The following RAB3GAP1 variants were observed in gnomAD, a reference collection of about 807,000 sequenced individuals.
The protein encoded by RAB3GAP1 is RAB3 GTPase activating protein catalytic subunit 1.
RAB3GAP1 carries 86 observed loss-of-function variants against 130.7 expected under a neutral mutation model. That is an observed-to-expected ratio of 0.66 (90% CI 0.55 to 0.79). The LOEUF is 0.79. Among genes scored for constraint, RAB3GAP1 ranks in the 30% least tolerant of loss-of-function variants. The probability of loss-of-function intolerance (pLI) is 0.00; values close to 1 mark genes in which losing one functional copy is unlikely to be tolerated. For missense variants in RAB3GAP1, 1,029 were observed against 1,169.4 expected, an observed-to-expected ratio of 0.88 and a Z score of 1.75; for synonymous variants, 367 against 401.7, an observed-to-expected ratio of 0.91 and a Z score of 1.03.
chr2:135,121,000 A>G (rs1325565966), intron 8 of RAB3GAP1, 82 bp downstream of exon 8: 1 of 1,006,510 alleles, frequency 9.9e-7, no homozygotes, highest in South Asian at 1.3e-5. Flanking sequence ...TTACTTAACA[A>G]GAGTTTCAAG....
intron 7 of RAB3GAP1, among the ~76,000 whole-genome samples, chr2:135,117,744 TCTTCTGCTTCTG>T (rs1330109767): frequency 7.1e-6 from 1 of 141,302 alleles, no homozygotes. Flanking sequence ...TTCTGCTTCT[TCTTCTGCTTCTG>T]CTTCTTCTGC....
At position 135,093,640 on chromosome 2, in the gene RAB3GAP1, T is replaced by C; in HGVS notation, c.309T>C (p.Asp103=). The C allele has an allele frequency of 6.2e-7, 1 of 1,613,688 alleles. No homozygotes were observed. Among genetic ancestry groups the C allele is most frequent in the Non-Finnish European group, 8.5e-7 (1 of 1,179,604 alleles). The change falls in exon 5 of 24, where the codon GAT becomes GAC. Residue 103 remains aspartate (D), a synonymous_variant. Coordinates refer to ENST00000264158, the MANE Select transcript of RAB3GAP1 (RefSeq NM_012233.3). The part of the protein sequence containing the change: ...LEDVVPQSMQ[D]LLGMNNDFPP... ...ATGTTGTTCCACAATCTATGCAAGA[T>C]TTGCTGGGTATGAATAATGACTTTC...
intron 2 of RAB3GAP1, 51 bp downstream of exon 2, chr2:135,052,536 C>G (rs748180796): frequency 1.2e-6 from 2 of 1,603,906 alleles, no homozygotes; most frequent in Non-Finnish European, 1.7e-6. Context: ...CTGGCGTCCC[C>G]TAGCCGCTTC....
chr2:135,176,180 GAT>G (rs1692996985), intron 24 of RAB3GAP1: 1 of 152,134 alleles, frequency 6.6e-6, no homozygotes. Context: ...TGCTCTATAA[GAT>G]AGACTTACTG....
At chr2:135,119,302 G>T (rs1480878626) in intron 7 of RAB3GAP1, among the ~76,000 whole-genome samples, 1 of 152,072 alleles carries the variant, frequency 6.6e-6, no homozygotes, top group Non-Finnish European at 1.5e-5. Flanking sequence ...TAGAAATGGG[G>T]TTTCACCATG....
At chr2:135,092,205 A>G (rs1225757471) in intron 4 of RAB3GAP1, among the ~76,000 whole-genome samples, 2 of 152,208 alleles carry the variant, frequency 1.3e-5, no homozygotes, top group Non-Finnish European at 2.9e-5. Flanking sequence ...TTTAAGAGGA[A>G]GAGGGAAGTG....
At chr2:135,171,405 A>T (rs1692849765), downstream of RAB3GAP1, among the ~76,000 whole-genome samples, 1 of 152,122 alleles carries the variant, frequency 6.6e-6, no homozygotes, top group Admixed American at 6.5e-5. Context: ...CAGCTGTCGT[A>T]TATCTTGAGC....
chr2:135,120,956 T>C (rs1446873712), intron 8 of RAB3GAP1, 38 bp downstream of exon 8: 2 of 1,360,894 alleles, frequency 1.5e-6, no homozygotes, highest in African/African-American at 2.9e-5. Context: ...TTACTGAATA[T>C]AAATGGAAAA....
chr2:135,157,727 G>C (rs991463026), intron 19 of RAB3GAP1, among the ~76,000 whole-genome samples: 1 of 151,416 alleles, frequency 6.6e-6, no homozygotes, highest in African/African-American at 2.4e-5. Flanking sequence ...AGCTACTCAA[G>C]AGGCTGAGGC....
intron 11 of RAB3GAP1, among the ~76,000 whole-genome samples, chr2:135,129,459 A>T (rs1691459739): frequency 6.6e-6 from 1 of 151,600 alleles, no homozygotes; most frequent in South Asian, 2.1e-4. Context: ...CTCAAAAAAA[A>T]AAAAATAAAA....
chr2:135,087,608 A>C (rs1406267217), intron 3 of RAB3GAP1, among the ~76,000 whole-genome samples: 2 of 152,106 alleles, frequency 1.3e-5, no homozygotes, highest in African/African-American at 4.8e-5. Context: ...CATTAAGTTT[A>C]TTCCTAGATA....
chr2:135,169,427 A>G lies in RAB3GAP1; in HGVS notation c.*646A>G, dbSNP rs756186625. On this transcript the variant is annotated 3_prime_UTR_variant, in exon 24 of 24. Transcript: ENST00000264158. ...AATGTATTACTTCTGATAAAACTAT[A>G]TATCAAATGTCACTGCAAATTAGTT... The G allele has an allele frequency of 7.1e-5, 13 of 181,962 alleles. No homozygotes were observed. Among genetic ancestry groups the G allele is most frequent in the Non-Finnish European group, 1.5e-4 (13 of 86,106 alleles). 11.3% of individuals were successfully genotyped at this position (181,962 alleles called of 1,614,324 possible). A position where few individuals can be genotyped will look rare whatever the true frequency, so the allele number is the denominator to read the frequency against.
Position 135,081,327 on chromosome 2 carries a change from A to AATATAT in RAB3GAP1, c.151-9641_151-9636dup, listed in dbSNP as rs1214688390. Among the ~76,000 whole-genome samples, 364 of 64,004 alleles carry AATATAT rather than the reference A, an allele frequency of 5.7e-3. 4 individuals carry two copies. The highest frequency in any genetic ancestry group is 0.016 in the East Asian group (15 of 938). The allele number at this position is 64,004 out of a possible 152,430, so 42.0% of individuals were successfully genotyped here. On this transcript the variant is annotated intron_variant, in intron 3 of 23. Transcript: ENST00000264158. ...GTCTCAAAAAAAAAAAAAAAAAAAA[A>AATATAT]ATATATATATATATATATATATATA...
chr2:135,140,787 T>C (rs1691816996), intron 17 of RAB3GAP1, among the ~76,000 whole-genome samples: 3 of 152,200 alleles, frequency 2.0e-5, no homozygotes, highest in African/African-American at 7.2e-5. Flanking sequence ...GCATAAACCA[T>C]ATTATTTGCA....
At chr2:135,075,436 T>C (rs1218795361) in intron 3 of RAB3GAP1, among the ~76,000 whole-genome samples, 3 of 152,238 alleles carry the variant, frequency 2.0e-5, no homozygotes, top group Non-Finnish European at 4.4e-5. Context: ...ATTACAGTTA[T>C]CTTTTTTTAA....
At position 135,058,052 on chromosome 2, in the gene RAB3GAP1, T is replaced by G; in HGVS notation, c.116T>G (p.Leu39Arg). ...GAAGAAGTCTTGAATGACTGGAAAC[T>G]GATTGGAAACTCTTTGGGAAAGCCA... ...KVEEVLNDWK[L>R]IGNSLGKPLE... The change falls in exon 3 of 24, where the codon CTG becomes CGG. Residue 39 changes from leucine (L) to arginine (R), a missense_variant. Physicochemically the swap from Leu to Arg is moderately radical, Grantham distance 102. Transcript: ENST00000264158. 1 of 1,613,192 alleles carries G rather than the reference T, an allele frequency of 6.2e-7. No homozygotes were observed.
At chr2:135,171,792 G>A (rs1164286987), downstream of RAB3GAP1, among the ~76,000 whole-genome samples, 3 of 152,158 alleles carry the variant, frequency 2.0e-5, no homozygotes, top group Admixed American at 1.3e-4. Context: ...TAGGAAGGGA[G>A]TCTGTCTTCT....
intron 6 of RAB3GAP1, among the ~76,000 whole-genome samples, chr2:135,114,094 T>C (rs1690899407): frequency 6.6e-6 from 1 of 152,180 alleles, no homozygotes; most frequent in African/African-American, 2.4e-5. Flanking sequence ...ATTTTTCTTT[T>C]AACAATATAT....
chr2:135,167,217 A>G (rs72980319), intron 23 of RAB3GAP1, among the ~76,000 whole-genome samples: 6,890 of 152,246 alleles, frequency 0.045, 526 homozygotes, highest in African/African-American at 0.16. Context: ...CTTTAAAATT[A>G]TAAATAGTAA....
Sources: gnomAD v4.1 joint callset for allele counts (sites outside exome capture counted in the v4.1 genomes callset) on GRCh38, gnomAD v4.1.1 for gene constraint, MANE v1.5 for transcripts, NCBI Gene and HGNC (gene_info 2026-07-23, HGNC 2026-07-21) for gene names.